NDST1: variants seen among roughly 807,000 people sequenced by gnomAD.
NDST1 encodes the protein bifunctional heparan sulfate N-deacetylase/N-sulfotransferase 1.
NDST1 carries 35 observed loss-of-function variants against 92.8 expected under a neutral mutation model. That is an observed-to-expected ratio of 0.38 (90% CI 0.29 to 0.50). The LOEUF (loss-of-function observed/expected upper bound fraction) is 0.50, where lower values mean the gene tolerates loss of function less well. Ranked by LOEUF, NDST1 falls within the 20% of genes least tolerant of loss-of-function variation. NDST1 has a pLI of 0.94. For synonymous variants in NDST1, 493 were observed against 500.3 expected (o/e 0.99, Z 0.19); for missense variants, 822 against 1,182.7 (o/e 0.69, Z 4.47).
chr5:150,540,270 G>A lies in NDST1; in HGVS notation c.1749+6G>A, dbSNP rs753466852. On this transcript the variant is annotated splice_donor_region_variant and intron_variant, in intron 8 of 14. Coordinates refer to ENST00000261797, the MANE Select transcript of NDST1 (RefSeq NM_001543.5). ...AGAAGGACCCGCTCTGGCAGGTGGG[G>A]GGCTGGGCAGCCTGGGCAGGTTGCT... is the stretch of plus-strand genomic sequence containing the variant. The A allele has an allele frequency of 1.9e-6, 3 of 1,597,452 alleles. No individual in the cohort carries two copies. The South Asian group carries it at 3.4e-5, about 18-fold the overall frequency.
At chr5:150,542,157 A>G (rs1755273241) in intron 9 of NDST1, among the ~76,000 whole-genome samples, 1 of 152,184 alleles carries the variant, frequency 6.6e-6, no homozygotes, top group Non-Finnish European at 1.5e-5. Flanking sequence ...ACTTCCCTTA[A>G]CACATTCAGT....
At chr5:150,524,829 A>T (rs1038905626) in intron 2 of NDST1, among the ~76,000 whole-genome samples, 1 of 152,224 alleles carries the variant, frequency 6.6e-6, no homozygotes, top group African/African-American at 2.4e-5. Context: ...CATGACCTTT[A>T]GAGGTCACAT....
At position 150,539,592 on chromosome 5, in the gene NDST1, G is replaced by A. The variant is rs917962550; in HGVS notation, c.1566+236G>A. ...CATGTACTTTAATACAAAAGTGTTG[G>A]CATTTTTATGCATGTTCCCTTCAGT... On this transcript the variant is annotated intron_variant, in intron 7 of 14. Transcript: ENST00000261797. 6 of 1,392,444 alleles carry A rather than the reference G, an allele frequency of 4.3e-6. No homozygotes were observed. The African/African-American group carries it at 7.2e-5, about 17-fold the overall frequency. 86.3% of individuals were successfully genotyped at this position (1,392,444 alleles called of 1,614,324 possible).
rs928727539 is a variant in NDST1, at chr5:150,554,980, A to G, written c.*1648A>G. ...TTCTGGAGAGGCTTGTCTTGTTCAG[A>G]AGACTCTAGCATCTTGGGGCTGGAA... On this transcript the variant is annotated 3_prime_UTR_variant, in exon 15 of 15. Coordinates refer to ENST00000261797, the MANE Select transcript of NDST1 (RefSeq NM_001543.5). 6.6e-6 allele frequency: 1 copy of G among 152,536 alleles called. No homozygotes were observed. Among genetic ancestry groups the G allele is most frequent in the African/African-American group, 2.4e-5 (1 of 41,424 alleles). 9.4% of individuals were successfully genotyped at this position (152,536 alleles called of 1,614,324 possible). A position where few individuals can be genotyped will look rare whatever the true frequency, so the allele number is the denominator to read the frequency against.
intron 1 of NDST1, among the ~76,000 whole-genome samples, chr5:150,500,459 C>T (rs1329222608): frequency 1.3e-5 from 2 of 152,112 alleles, no homozygotes; most frequent in Non-Finnish European, 2.9e-5. Flanking sequence ...CCCCAGTTGT[C>T]GTGGCTGAGT....
intron 2 of NDST1, among the ~76,000 whole-genome samples, chr5:150,524,666 A>G (rs1210984691): frequency 1.3e-5 from 2 of 152,210 alleles, no homozygotes; most frequent in East Asian, 3.9e-4. Context: ...GCTTGTCCCG[A>G]ATGACATAGC....
intron 3 of NDST1, among the ~76,000 whole-genome samples, chr5:150,530,646 G>A (rs1246385327): frequency 6.9e-6 from 1 of 143,944 alleles, no homozygotes; most frequent in African/African-American, 2.7e-5. Context: ...TCACTTAAGT[G>A]ATCCTAAGCA....
intron 1 of NDST1, among the ~76,000 whole-genome samples, chr5:150,514,397 G>A (rs906443248): frequency 3.3e-5 from 5 of 151,846 alleles, no homozygotes; most frequent in East Asian, 1.9e-4. Context: ...TGGCAAAACC[G>A]CATATCTACA....
rs563256154 is a variant in NDST1 at position 150,553,149 on chromosome 5, C to T, written c.2530-64C>T. On this transcript the variant is annotated intron_variant, in intron 14 of 14. Coordinates refer to ENST00000261797, the MANE Select transcript of NDST1 (RefSeq NM_001543.5). This position sits in a 1 kb window ranked among gnomAD's most constrained non-coding sequence, Gnocchi z 4.2. ...AGCCACCGTGCCCGGCCGAGCATGG[C>T]GATTTTTAGAGGAGGTCACTCTTAA... is the stretch of plus-strand genomic sequence containing the variant. 151 of 1,576,844 alleles carry T rather than the reference C, an allele frequency of 9.6e-5. No individual in the cohort carries two copies. The South Asian group carries it at 1.0e-3, about 11-fold the overall frequency.
chr5:150,535,589 C>G, intron 5 of NDST1, 111 bp from the exon 6 acceptor site: 1 of 1,365,078 alleles, frequency 7.3e-7, no homozygotes, highest in South Asian at 1.2e-5. Flanking sequence ...CTCAGACCAG[C>G]AGCCATGCCG....
Position 150,557,344 on chromosome 5 carries a change from T to G in NDST1, c.*4012T>G, listed in dbSNP as rs1039165926. 3.9e-5 allele frequency: 6 copies of G among 152,674 alleles called. No individual in the cohort carries two copies. The highest frequency in any genetic ancestry group is 1.4e-4 in the African/African-American group (6 of 41,452). 9.5% of individuals were successfully genotyped at this position (152,674 alleles called of 1,614,324 possible). On this transcript the variant is annotated 3_prime_UTR_variant, in exon 15 of 15. Transcript: ENST00000261797. The surrounding 1 kb of genome is among the most constrained non-coding windows in gnomAD (Gnocchi z 4.7). ...CACATCATATGTCTCTCTCTTTCTATTTTGGGGTCCCAGGGTTTTCATTTC... is the reference window on the plus strand; with the variant it reads ...CACATCATATGTCTCTCTCTTTCTAGTTTGGGGTCCCAGGGTTTTCATTTC...
intron 1 of NDST1, among the ~76,000 whole-genome samples, chr5:150,502,435 C>T (rs1424301648): frequency 1.3e-5 from 2 of 151,768 alleles, no homozygotes; most frequent in Non-Finnish European, 2.9e-5. Context: ...TTTACCAAGA[C>T]AGAGAAGGCT....
At position 150,541,644 on chromosome 5, in the gene NDST1, C is replaced by T; in HGVS notation, c.1824C>T (p.Leu608=). 1.2e-6 allele frequency: 2 copies of T among 1,614,202 alleles called. No homozygotes were observed. The highest frequency in any genetic ancestry group is 1.7e-6 in the Non-Finnish European group (2 of 1,180,036). The stretch of plus-strand genomic sequence containing the variant: ...CGTGTGACCGCTTCCCAAAGCTCCT[C>T]ATCATCGGCCCCCAGAAAACAGGCA... ...EKTCDRFPKL[L]IIGPQKTGTT... is the part of the protein sequence containing the mutation. Residue 608 remains leucine, a synonymous_variant, in exon 9 of 15, where the codon CTC becomes CTT. Transcript: ENST00000261797.
At chr5:150,539,600 A>T (rs1755151988) in intron 7 of NDST1, 2 of 1,391,010 alleles carry the variant, frequency 1.4e-6, no homozygotes, top group African/African-American at 1.4e-5. Flanking sequence ...TGGCATTTTT[A>T]TGCATGTTCC....
In NDST1 at chr5:150,545,328, C is replaced by T; in HGVS notation, c.1987C>T (p.Pro663Ser). The change falls in exon 11 of 15, where the codon CCC becomes TCC. Residue 663 changes from proline to serine, a missense_variant. By Grantham distance (74) the Pro-to-Ser change is moderately conservative (BLOSUM62 -1). Transcript: ENST00000261797. ...TTCCTGCAGGTACATGGAGTTCTTC[C>T]CCATCCCTTCCAACACCACCTCCGA... ...KGIDWYMEFFPIPSNTTSDFY... is the reference protein window; with the variant it reads ...KGIDWYMEFFSIPSNTTSDFY... 1 of 1,614,234 alleles carries T rather than the reference C, an allele frequency of 6.2e-7. No individual in the cohort carries two copies. The highest frequency in any genetic ancestry group is 8.5e-7 in the Non-Finnish European group (1 of 1,180,038).
At chr5:150,501,153 G>A (rs1019639969) in intron 1 of NDST1, among the ~76,000 whole-genome samples, 1 of 152,142 alleles carries the variant, frequency 6.6e-6, no homozygotes, top group African/African-American at 2.4e-5. Flanking sequence ...GCCCGCTTCC[G>A]CCTGACACTG....
At chr5:150,501,815 T>G (rs1022715926) in intron 1 of NDST1, among the ~76,000 whole-genome samples, 4 of 151,824 alleles carry the variant, frequency 2.6e-5, no homozygotes, top group Non-Finnish European at 5.9e-5. Flanking sequence ...GGAAGAAAAA[T>G]AAAACTGGCT....
rs1004407587 is a variant in NDST1 at position 150,553,433 on chromosome 5, C to T, written c.*101C>T. 5.4e-5 allele frequency: 81 copies of T among 1,488,486 alleles called. No individual in the cohort carries two copies. The highest frequency in any genetic ancestry group is 5.1e-4 in the African/African-American group (37 of 71,970). 92.2% of individuals were successfully genotyped at this position (1,488,486 alleles called of 1,614,324 possible). On this transcript the variant is annotated 3_prime_UTR_variant, in exon 15 of 15. Transcript: ENST00000261797. The surrounding 1 kb of genome is among the most constrained non-coding windows in gnomAD (Gnocchi z 4.2). Reference sequence around the variant, plus strand: ...GTGGGAAGCTGGACCAGGGCAGCTGCGCACTTATGAGCAATACTCTGTGGA... The same window carrying T: ...GTGGGAAGCTGGACCAGGGCAGCTGTGCACTTATGAGCAATACTCTGTGGA...
Position 150,528,242 on chromosome 5 carries a change from A to G in NDST1, c.952A>G (p.Ile318Val), listed in dbSNP as rs1043066682. ...ATTGGACCGCTACATCCTGGTGGAC[A>G]TTGATGACATCTTCGTGGGCAAGGA... ...LPLDRYILVD[I>V]DDIFVGKEGT... Residue 318 changes from isoleucine (I) to valine (V), a missense_variant, in exon 3 of 15, where the codon ATT becomes GTT. By Grantham distance (29) the Ile-to-Val change is conservative. Transcript: ENST00000261797. 3.7e-6 allele frequency: 6 copies of G among 1,610,852 alleles called. No individual in the cohort carries two copies. Among genetic ancestry groups the G allele is most frequent in the East Asian group, 2.2e-5 (1 of 44,772 alleles).
Sources: gnomAD v4.1 joint callset for allele counts (sites outside exome capture counted in the v4.1 genomes callset) on GRCh38, gnomAD v4.1.1 for gene constraint, Gnocchi (gnomAD v3.1) non-coding constraint, MANE v1.5 for transcripts, NCBI Gene and HGNC (gene_info 2026-07-23, HGNC 2026-07-21) for gene names.